The following IQCM variants were observed in gnomAD, a reference collection of about 807,000 sequenced individuals.
IQCM encodes the protein IQ motif containing M, also known as IQ domain-containing protein M.
In IQCM, 45 loss-of-function variants were observed where a neutral mutation model predicts 57.6. The ratio of observed to expected loss-of-function variants is 0.78; its 90% CI spans 0.62 to 1.00. The LOEUF is 1.00. IQCM is among the 50% of genes least tolerant of loss of function. IQCM has a pLI of 0.00. For missense variants in IQCM, 468 were observed against 511.6 expected, an observed-to-expected ratio of 0.91 and a Z score of 0.82; for synonymous variants, 148 against 158.9, an observed-to-expected ratio of 0.93 and a Z score of 0.51.
At chr4:149,653,674 G>C (rs187710394) in intron 7 of IQCM, among the ~76,000 whole-genome samples, 37 of 152,050 alleles carry the variant, frequency 2.4e-4, no homozygotes, top group Non-Finnish European at 3.8e-4. Context: ...TTTTAAATCG[G>C]ATATCAAGCT....
At chr4:149,799,283 AG>A (rs1264523871) in intron 2 of IQCM, among the ~76,000 whole-genome samples, 1 of 151,848 alleles carries the variant, frequency 6.6e-6, no homozygotes, top group African/African-American at 2.4e-5. Flanking sequence ...AAATTGAAAA[AG>A]GTCTTGAAAA....
At chr4:149,574,074 T>C (rs1338468678) in intron 9 of IQCM, among the ~76,000 whole-genome samples, 1 of 151,922 alleles carries the variant, frequency 6.6e-6, no homozygotes, top group East Asian at 1.9e-4. Context: ...TACAGAAATG[T>C]TCAATTTTAT....
At chr4:149,383,599 T>TGCCTACTGAAGGGATCA (rs1206858931) in intron 13 of IQCM, among the ~76,000 whole-genome samples, 1 of 152,170 alleles carries the variant, frequency 6.6e-6, no homozygotes, top group Non-Finnish European at 1.5e-5. Flanking sequence ...TTTGGTAAAC[T>TGCCTACTGAAGGGATCA]GCCTACTGAA....
At chr4:149,623,271 A>C (rs1007413507) in intron 7 of IQCM, among the ~76,000 whole-genome samples, 1 of 152,232 alleles carries the variant, frequency 6.6e-6, no homozygotes, top group African/African-American at 2.4e-5. Flanking sequence ...TGATCATTGA[A>C]GAGTCCAACC....
chr4:149,576,211 T>G (rs1021323195), intron 9 of IQCM, among the ~76,000 whole-genome samples: 3 of 151,728 alleles, frequency 2.0e-5, no homozygotes, highest in African/African-American at 7.2e-5. Context: ...TATGGTATTT[T>G]GTGTTATGGA....
At chr4:149,486,869 T>A (rs1202331234) in intron 12 of IQCM, among the ~76,000 whole-genome samples, 2 of 152,152 alleles carry the variant, frequency 1.3e-5, no homozygotes, top group Admixed American at 1.3e-4. Context: ...TCAGAAATGC[T>A]GTCCAAGAGC....
At chr4:149,798,668 T>C (rs1203125087) in intron 2 of IQCM, among the ~76,000 whole-genome samples, 1 of 151,990 alleles carries the variant, frequency 6.6e-6, no homozygotes, top group Non-Finnish European at 1.5e-5. Context: ...TCCATTCCAA[T>C]AGATATCAAA....
chr4:149,566,192 T>A (rs1750615376), intron 9 of IQCM, among the ~76,000 whole-genome samples: 4 of 152,178 alleles, frequency 2.6e-5, no homozygotes, highest in Admixed American at 2.6e-4. Flanking sequence ...TACTTCTGGC[T>A]TGTCCGTAGC....
At chr4:149,528,865 T>C (rs1256767275) in intron 12 of IQCM, among the ~76,000 whole-genome samples, 2 of 152,042 alleles carry the variant, frequency 1.3e-5, no homozygotes, top group East Asian at 1.9e-4. Context: ...AGATGAAGCT[T>C]ACAGGAGCAA....
At chr4:149,583,922 T>C (rs1317066015) in intron 9 of IQCM, among the ~76,000 whole-genome samples, 1 of 151,394 alleles carries the variant, frequency 6.6e-6, no homozygotes, top group Non-Finnish European at 1.5e-5. Flanking sequence ...AAAGAAGTAG[T>C]TGAAAAATAT....
intron 13 of IQCM, among the ~76,000 whole-genome samples, chr4:149,391,587 G>A (rs1352675334): frequency 4.0e-5 from 6 of 151,754 alleles, no homozygotes; most frequent in African/African-American, 1.5e-4. Flanking sequence ...AGAAAATTAG[G>A]TTGTTGCCTT....
intron 9 of IQCM, among the ~76,000 whole-genome samples, chr4:149,569,179 A>C (rs1028624513): frequency 9.9e-5 from 15 of 152,200 alleles, no homozygotes; most frequent in Admixed American, 9.8e-4. Flanking sequence ...TTGCACAATA[A>C]ATAATAAATA....
At chr4:149,762,914 T>C (rs994341563) in intron 2 of IQCM, among the ~76,000 whole-genome samples, 4 of 152,034 alleles carry the variant, frequency 2.6e-5, no homozygotes, top group African/African-American at 9.7e-5. Context: ...CATAAACGTG[T>C]TAAATTTAAA....
intron 13 of IQCM, among the ~76,000 whole-genome samples, chr4:149,388,303 A>G (rs1487195244): frequency 1.3e-5 from 2 of 151,564 alleles, no homozygotes; most frequent in African/African-American, 2.4e-5. Context: ...CCAGTGACAT[A>G]TAAGTAAGTC....
At chr4:149,352,126 C>T (rs192370308) in intron 13 of IQCM, 60 bp from the exon 14 acceptor site, 6 of 398,286 alleles carry the variant, frequency 1.5e-5, no homozygotes, top group Non-Finnish European at 2.2e-5. Flanking sequence ...TAGTAATGTA[C>T]CATGGTTTTG....
At chr4:149,479,971 C>A (rs553285600) in intron 12 of IQCM, among the ~76,000 whole-genome samples, 89 of 152,268 alleles carry the variant, frequency 5.8e-4, no homozygotes, top group African/African-American at 2.1e-3. Flanking sequence ...TGTGAATACA[C>A]ATGTAGACAA....
At chr4:149,455,360 C>A (rs1356108110) in intron 12 of IQCM, among the ~76,000 whole-genome samples, 1 of 152,086 alleles carries the variant, frequency 6.6e-6, no homozygotes, top group Non-Finnish European at 1.5e-5. Flanking sequence ...CTACCTGGCA[C>A]CCAGACTCTG....
At chr4:149,608,034 T>C (rs935235078) in intron 8 of IQCM, among the ~76,000 whole-genome samples, 1 of 151,642 alleles carries the variant, frequency 6.6e-6, no homozygotes, top group Non-Finnish European at 1.5e-5. Flanking sequence ...AGAAAGTCAC[T>C]TCACCTATAG....
intron 13 of IQCM, among the ~76,000 whole-genome samples, chr4:149,432,778 A>C (rs2111271278): frequency 6.6e-6 from 1 of 152,158 alleles, no homozygotes; most frequent in South Asian, 2.1e-4. Context: ...GATTCTCAAA[A>C]CTTAATAAAC....
Sources: allele counts gnomAD v4.1 joint callset (sites outside exome capture counted in the v4.1 genomes callset), GRCh38; gene constraint gnomAD v4.1.1; transcripts MANE v1.5; gene names NCBI Gene and HGNC (gene_info 2026-07-23, HGNC 2026-07-21).